Variants in MYLIP observed in about 807,000 individuals in gnomAD.
MYLIP encodes E3 ubiquitin-protein ligase MYLIP.
A neutral mutation model predicts 45.8 loss-of-function variants in MYLIP; 26 were observed. That is an observed-to-expected ratio of 0.57 (90% CI 0.42 to 0.79). MYLIP has a LOEUF of 0.79. Ranked by LOEUF, MYLIP falls within the 30% of genes least tolerant of loss-of-function variation. The probability of loss-of-function intolerance (pLI) is 0.00; values close to 1 mark genes in which losing one functional copy is unlikely to be tolerated. For missense variants in MYLIP, 494 were observed against 555.6 expected (o/e 0.89, Z 1.11); for synonymous variants, 213 against 218.1 (o/e 0.98, Z 0.21).
Position 16,147,084 on chromosome 6 carries a change from A to G in MYLIP, c.*333A>G, listed in dbSNP as rs565448190. The G allele has an allele frequency of 1.0e-4, 20 of 194,974 alleles. No individual in the cohort carries two copies. The South Asian group carries it at 2.2e-3, about 22-fold the overall frequency. The allele number at this position is 194,974 out of a possible 1,614,324, so 12.1% of individuals were successfully genotyped here. A position where few individuals can be genotyped will look rare whatever the true frequency, so the allele number is the denominator to read the frequency against. On this transcript the variant is annotated 3_prime_UTR_variant, in exon 7 of 7. Coordinates refer to ENST00000356840, the MANE Select transcript of MYLIP (RefSeq NM_013262.4). ...ATAGCCAAAAAGTTGGGTACCTTTT[A>G]GGAAATGATGTTGTAAGTCTCCTTA...
chr6:16,129,087 G>T lies in MYLIP; in HGVS notation c.-236G>T. On this transcript the variant is annotated 5_prime_UTR_variant, in exon 1 of 7. Coordinates refer to ENST00000356840, the MANE Select transcript of MYLIP (RefSeq NM_013262.4). The surrounding 1 kb of genome is among the most constrained non-coding windows in gnomAD (Gnocchi z 5.1). ...CAGAGTCCCTGTCGCAGCGCAGGCA[G>T]TTGGGCTGCTGGAGTGCGGCGCCAC... The T allele has an allele frequency of 1.9e-6, 1 of 538,698 alleles. No homozygotes were observed. The highest frequency in any genetic ancestry group is 3.3e-6 in the Non-Finnish European group (1 of 303,886). The allele number at this position is 538,698 out of a possible 1,614,324, so 33.4% of individuals were successfully genotyped here.
rs1303467624 is a variant in MYLIP, at chr6:16,130,678, C to T, written c.209C>T (p.Ala70Val). The T allele has an allele frequency of 1.9e-6, 3 of 1,614,052 alleles. No individual in the cohort carries two copies. Among genetic ancestry groups the T allele is most frequent in the Non-Finnish European group, 2.5e-6 (3 of 1,180,034 alleles). Residue 70 changes from alanine (A) to valine (V), a missense_variant, in exon 2 of 7, where the codon GCC (alanine) becomes GTC (valine). Ala to Val is a moderately conservative substitution (Grantham distance 64, BLOSUM62 0). Coordinates refer to ENST00000356840, the MANE Select transcript of MYLIP (RefSeq NM_013262.4). Reference protein sequence around the residue: ...NRISQQMDGLAPYRLKLRVKF... With the variant: ...NRISQQMDGLVPYRLKLRVKF... Reference sequence around the variant, plus strand: ...ATCTCCCAGCAGATGGATGGGCTAGCCCCTTACAGGCTTAAACTTAGAGTC... The same window carrying T: ...ATCTCCCAGCAGATGGATGGGCTAGTCCCTTACAGGCTTAAACTTAGAGTC...
In MYLIP at chr6:16,146,735, A is replaced by C; in HGVS notation, c.1322A>C (p.Asn441Thr). The C allele has an allele frequency of 6.2e-7, 1 of 1,609,894 alleles. No individual in the cohort carries two copies. The highest frequency in any genetic ancestry group is 8.5e-7 in the Non-Finnish European group (1 of 1,177,420). ...VYLPTHTSLL[N>T]LTVI ...CTGCCAACGCACACCAGTCTTCTCA[A>C]TCTGACTGTAATCTAATCTGTTGTG... The change falls in exon 7 of 7, where the codon AAT becomes ACT. Residue 441 changes from asparagine to threonine, a missense_variant. Coordinates refer to ENST00000356840, the MANE Select transcript of MYLIP (RefSeq NM_013262.4).
Position 16,145,249 on chromosome 6 carries a change from G to T in MYLIP, c.1180G>T (p.Glu394Ter). 1 of 1,613,184 alleles carries T rather than the reference G, an allele frequency of 6.2e-7. No homozygotes were observed. The highest frequency in any genetic ancestry group is 8.5e-7 in the Non-Finnish European group (1 of 1,179,266). ...GCTGTGCATGGTGTGCTGCGAGGAG[G>T]AGATCAACTCCACCTTCTGTCCCTG... ...AMLCMVCCEE[E>*]INSTFCPCGH... Residue 394 changes from glutamate (E) to a stop codon, truncating the protein, a stop_gained, in exon 6 of 7, where the codon GAG becomes TAG. Transcript: ENST00000356840. LOFTEE classifies it high-confidence loss of function.
chr6:16,135,097 G>A (rs902727693), intron 2 of MYLIP, among the ~76,000 whole-genome samples: 1 of 152,134 alleles, frequency 6.6e-6, no homozygotes, highest in Non-Finnish European at 1.5e-5. Flanking sequence ...CCAGCAGCAG[G>A]ACCTAGCAAG....
chr6:16,157,334 C>G, the MYLIP span, among the ~76,000 whole-genome samples: 1 of 152,232 alleles, frequency 6.6e-6, no homozygotes, highest in African/African-American at 2.4e-5. Flanking sequence ...CCAACACATA[C>G]CATCAGAGGT....
chr6:16,142,109 G>A (rs1226041674), intron 3 of MYLIP, among the ~76,000 whole-genome samples: 1 of 152,174 alleles, frequency 6.6e-6, no homozygotes, highest in Non-Finnish European at 1.5e-5. Flanking sequence ...CATGAACATG[G>A]CAGCATCAGG....
At chr6:16,152,679 A>G (rs145082658), downstream of MYLIP, among the ~76,000 whole-genome samples, 42 of 152,300 alleles carry the variant, frequency 2.8e-4, no homozygotes, top group East Asian at 7.3e-3. Flanking sequence ...ATTCCACTCT[A>G]CTAAGTTCTA....
At chr6:16,136,266 C>T (rs1470001038) in intron 2 of MYLIP, among the ~76,000 whole-genome samples, 1 of 151,628 alleles carries the variant, frequency 6.6e-6, no homozygotes, top group Non-Finnish European at 1.5e-5. Context: ...CACACCACAC[C>T]TCTGTCATGT....
chr6:16,156,778 C>G, the MYLIP span, among the ~76,000 whole-genome samples: 2 of 152,306 alleles, frequency 1.3e-5, no homozygotes, highest in East Asian at 3.9e-4. Context: ...AGTAATATGA[C>G]AATGCCACCT....
chr6:16,154,551 A>C, the MYLIP span, among the ~76,000 whole-genome samples: 2 of 151,990 alleles, frequency 1.3e-5, no homozygotes, highest in Admixed American at 1.3e-4. Context: ...GTTCCCCCCA[A>C]CCCACCCACA....
intron 1 of MYLIP, among the ~76,000 whole-genome samples, chr6:16,130,043 GCA>G (rs2113502333): frequency 6.6e-6 from 1 of 152,352 alleles, no homozygotes; most frequent in South Asian, 2.1e-4. Flanking sequence ...ATGGCAGACA[GCA>G]CATGTGATCC....
Position 16,141,808 on chromosome 6 carries a change from C to T in MYLIP, c.462C>T (p.Asn154=), listed in dbSNP as rs780349425. 1.2e-6 allele frequency: 2 copies of T among 1,610,262 alleles called. No individual in the cohort carries two copies. The highest frequency in any genetic ancestry group is 3.3e-5 in the Admixed American group (2 of 59,768). The part of the protein sequence containing the change: ...CAKELSSATL[N]SIVAKHKELE... ...AGGAGCTCTCCTCTGCCACCTTGAA[C>T]AGGTGAGGCTGTTGAATATAGTATT... The change falls in exon 3 of 7, where the codon AAC becomes AAT. Residue 154 remains asparagine, a splice_region_variant and synonymous_variant. Coordinates refer to ENST00000356840, the MANE Select transcript of MYLIP (RefSeq NM_013262.4).
At chr6:16,136,289 G>C (rs1759555323) in intron 2 of MYLIP, among the ~76,000 whole-genome samples, 1 of 129,438 alleles carries the variant, frequency 7.7e-6, no homozygotes, top group African/African-American at 2.9e-5. Flanking sequence ...TCTTCTACCA[G>C]AGATGAGCTA....
chr6:16,142,894 A>T, intron 3 of MYLIP, 126 bp from the exon 4 acceptor site: 1 of 938,192 alleles, frequency 1.1e-6, no homozygotes, highest in Non-Finnish European at 1.6e-6. Flanking sequence ...AAACATCAGT[A>T]ATACATAAGT....
chr6:16,144,905 C>T lies in MYLIP; in HGVS notation c.836C>T (p.Thr279Ile). 1 of 1,611,236 alleles carries T rather than the reference C, an allele frequency of 6.2e-7. No individual in the cohort carries two copies. The change falls in exon 6 of 7, where the codon ACA becomes ATA. Residue 279 changes from threonine to isoleucine, a missense_variant. Physicochemically the swap from Thr to Ile is moderately conservative, Grantham distance 89. Transcript: ENST00000356840. ...TCAATCTTGCCTTGCAGGTGTGACA[C>T]AGTGACCAGCGCCGTGATGATGCAG... Reference protein sequence around the residue: ...TETHAFYRCDTVTSAVMMQYS... With the variant: ...TETHAFYRCDIVTSAVMMQYS...
the MYLIP span, among the ~76,000 whole-genome samples, chr6:16,157,633 A>G: frequency 4.4e-3 from 674 of 152,370 alleles, 4 homozygotes; most frequent in Non-Finnish European, 8.1e-3. Flanking sequence ...TGCTTTGCAC[A>G]TGCTTCTTGG....
At chr6:16,137,072 G>A (rs1325338775) in intron 2 of MYLIP, among the ~76,000 whole-genome samples, 2 of 152,096 alleles carry the variant, frequency 1.3e-5, no homozygotes, top group Non-Finnish European at 2.9e-5. Flanking sequence ...TTTTTGCTAT[G>A]TCCTGAGAAA....
At chr6:16,151,643 TATATTC>T (rs1359871880), downstream of MYLIP, among the ~76,000 whole-genome samples, 5 of 152,236 alleles carry the variant, frequency 3.3e-5, no homozygotes, top group African/African-American at 1.2e-4. Flanking sequence ...GCAGATTACT[TATATTC>T]ATATCTGTAG....
Sources: allele counts gnomAD v4.1 joint callset (sites outside exome capture counted in the v4.1 genomes callset), GRCh38; gene constraint gnomAD v4.1.1; non-coding constraint Gnocchi (gnomAD v3.1); transcripts MANE v1.5; gene names NCBI Gene and HGNC (gene_info 2026-07-23, HGNC 2026-07-21).